The following ARHGAP32 variants were observed in gnomAD, a reference collection of about 807,000 sequenced individuals.
ARHGAP32 encodes rho GTPase-activating protein 32.
ARHGAP32 carries 51 observed loss-of-function variants against 186.5 expected under a neutral mutation model. The ratio of observed to expected loss-of-function variants is 0.27; its 90% confidence interval spans 0.22 to 0.35. The LOEUF (loss-of-function observed/expected upper bound fraction) is 0.35. ARHGAP32 is among the 10% of genes least tolerant of loss of function. The pLI, the probability that ARHGAP32 is intolerant of heterozygous loss-of-function variation, is 1.00. For missense variants in ARHGAP32, 2,186 were observed against 2,623.5 expected (o/e 0.83, Z 3.64); for synonymous variants, 950 against 964.3 (o/e 0.99, Z 0.27).
intron 6 of ARHGAP32, among the ~76,000 whole-genome samples, chr11:129,088,507 G>A (rs1261624703): frequency 2.0e-5 from 3 of 151,094 alleles, no homozygotes; most frequent in South Asian, 2.1e-4. Context: ...TTGAACCTGT[G>A]AGTTGGAGGT....
At chr11:129,056,886 C>T (rs542123107) in intron 10 of ARHGAP32, among the ~76,000 whole-genome samples, 1 of 152,324 alleles carries the variant, frequency 6.6e-6, no homozygotes, top group South Asian at 2.1e-4. Context: ...CCTTGCTCCT[C>T]TTCCCTTCTC....
chr11:129,261,047 C>G (rs1945314476), intron 1 of ARHGAP32, among the ~76,000 whole-genome samples: 1 of 151,908 alleles, frequency 6.6e-6, no homozygotes, highest in Non-Finnish European at 1.5e-5. Context: ...TGAGCCACCA[C>G]AGGGTGCTAA....
intron 11 of ARHGAP32, among the ~76,000 whole-genome samples, chr11:129,036,098 G>A (rs1013003646): frequency 6.6e-6 from 1 of 152,090 alleles, no homozygotes; most frequent in African/African-American, 2.4e-5. Flanking sequence ...ATGAGAATGG[G>A]CCAGGCACGG....
At chr11:129,038,486 T>C (rs988462881) in intron 11 of ARHGAP32, among the ~76,000 whole-genome samples, 2 of 151,996 alleles carry the variant, frequency 1.3e-5, no homozygotes, top group African/African-American at 4.8e-5. Context: ...TATGCATCAA[T>C]GGATACTACC....
chr11:129,244,512 A>AT (rs1383445063), intron 1 of ARHGAP32, among the ~76,000 whole-genome samples: 3 of 152,220 alleles, frequency 2.0e-5, no homozygotes, highest in African/African-American at 7.2e-5. Flanking sequence ...AAACCTAGGC[A>AT]TTACCATTCA....
In ARHGAP32 at chr11:129,066,797, A is replaced by T; in HGVS notation, c.603T>A (p.Ile201=). Reference sequence around the variant, plus strand: ...AGAGCTGGGAAAATCTTCGGTCATAAATACACAGATGAAGATGTTTATCAA... The same window carrying T: ...AGAGCTGGGAAAATCTTCGGTCATATATACACAGATGAAGATGTTTATCAA... ...RVLDKHLHLC[I]YDRRFSQLSE... Residue 201 remains isoleucine, a synonymous_variant, in exon 7 of 23, where the codon ATT becomes ATA. Coordinates refer to ENST00000682385, the MANE Select transcript of ARHGAP32 (RefSeq NM_001378024.1). The T allele has an allele frequency of 6.2e-7, 1 of 1,612,430 alleles. No homozygotes were observed. The highest frequency in any genetic ancestry group is 2.2e-5 in the East Asian group (1 of 44,840).
intron 11 of ARHGAP32, chr11:129,023,983 A>G: frequency 2.0e-6 from 2 of 985,434 alleles, no homozygotes; most frequent in Non-Finnish European, 2.4e-6. Context: ...AATAAATCAT[A>G]ATCCAACTGG....
In ARHGAP32 at chr11:128,967,372, G is replaced by A. The variant is rs772980861; in HGVS notation, c.*1535C>T. 6 of 152,164 alleles carry A rather than the reference G, an allele frequency of 3.9e-5. No homozygotes were observed. The highest frequency in any genetic ancestry group is 1.3e-4 in the Admixed American group (2 of 15,280). 9.4% of individuals were successfully genotyped at this position (152,164 alleles called of 1,614,324 possible). ...CAGTAATTGGAATGCAATTCTCCTA[G>A]TGTCTTCTACAGACCGAGCATTTAA... On this transcript the variant is annotated 3_prime_UTR_variant, in exon 23 of 23. Coordinates refer to ENST00000682385, the MANE Select transcript of ARHGAP32 (RefSeq NM_001378024.1).
chr11:129,178,089 C>T (rs1476933725), intron 1 of ARHGAP32, among the ~76,000 whole-genome samples: 1 of 150,300 alleles, frequency 6.7e-6, no homozygotes, highest in African/African-American at 2.4e-5. Flanking sequence ...GCAACTTCAG[C>T]AAAGTCTCAG....
chr11:129,228,378 G>C (rs1176893573), intron 1 of ARHGAP32, among the ~76,000 whole-genome samples: 2 of 152,036 alleles, frequency 1.3e-5, no homozygotes, highest in Admixed American at 1.3e-4. Flanking sequence ...GAAAGAAATG[G>C]AGAACAGAAA....
At chr11:129,275,491 T>C (rs1423124391) in intron 1 of ARHGAP32, among the ~76,000 whole-genome samples, 1 of 152,168 alleles carries the variant, frequency 6.6e-6, no homozygotes, top group Non-Finnish European at 1.5e-5. Flanking sequence ...AAAACAAAAA[T>C]TAGTACCTTT....
chr11:129,275,951 C>T (rs929766593), intron 1 of ARHGAP32, among the ~76,000 whole-genome samples: 76 of 152,308 alleles, frequency 5.0e-4, no homozygotes, highest in African/African-American at 1.8e-3. Context: ...TAACTTGTAA[C>T]CTCCTTTGGT....
chr11:129,273,681 T>A (rs1346144138), intron 1 of ARHGAP32, among the ~76,000 whole-genome samples: 1 of 152,204 alleles, frequency 6.6e-6, no homozygotes, highest in Non-Finnish European at 1.5e-5. Context: ...ACCACCTATA[T>A]TTCTCCAATG....
At chr11:129,252,736 C>T (rs186007513) in intron 1 of ARHGAP32, among the ~76,000 whole-genome samples, 30 of 152,144 alleles carry the variant, frequency 2.0e-4, no homozygotes, top group African/African-American at 6.0e-4. Context: ...GACTATTAAC[C>T]GTAAAAGAAC....
At position 129,124,778 on chromosome 11, in the gene ARHGAP32, GAATCCACTGTA is replaced by G; in HGVS notation, c.317+14_317+24del. ...ATTTCCATTCGTAGGAATTCATTTA[GAATCCACTGTA>G]AAGTTATACTCACTTTTTCACATGC... On this transcript the variant is annotated intron_variant, in intron 3 of 22. Coordinates refer to ENST00000682385, the MANE Select transcript of ARHGAP32 (RefSeq NM_001378024.1). The G allele has an allele frequency of 6.6e-7, 1 of 1,507,396 alleles. No homozygotes were observed. The highest frequency in any genetic ancestry group is 9.0e-7 in the Non-Finnish European group (1 of 1,106,286). 93.4% of individuals were successfully genotyped at this position (1,507,396 alleles called of 1,614,324 possible).
At chr11:129,158,083 T>C (rs1591658401) in intron 2 of ARHGAP32, among the ~76,000 whole-genome samples, 2 of 151,872 alleles carry the variant, frequency 1.3e-5, no homozygotes, top group Admixed American at 1.3e-4. Context: ...AAGCACTACA[T>C]ATGGAAAGGA....
Position 129,143,363 on chromosome 11 carries a change from C to T in ARHGAP32, c.226-18469G>A, listed in dbSNP as rs77743156. On this transcript the variant is annotated intron_variant, in intron 2 of 22. Transcript: ENST00000682385. ...CATGGTCAACCTCGGTCAAAAAATA[C>T]TAAATGGAAAATTCCTGAAAAAAAC... 6.1e-3 allele frequency among the ~76,000 whole-genome samples: 921 copies of T among 152,148 alleles called. 6 individuals carry two copies. Among genetic ancestry groups the T allele is most frequent in the South Asian group, 0.022 (105 of 4,816 alleles).
chr11:129,062,168 G>C, intron 10 of ARHGAP32, 112 bp downstream of exon 10: 1 of 828,744 alleles, frequency 1.2e-6, no homozygotes, highest in Non-Finnish European at 2.0e-6. Flanking sequence ...TATCGTTGCA[G>C]ACAAAATTTC....
Position 129,209,919 on chromosome 11 carries a change from T to C in ARHGAP32, c.-4-45492A>G, listed in dbSNP as rs192410264. 1.5e-3 allele frequency among the ~76,000 whole-genome samples: 236 copies of C among 152,306 alleles called. 2 individuals are homozygous for C. Among genetic ancestry groups the C allele is most frequent in the East Asian group, 9.7e-4 (5 of 5,180 alleles). ...AAATCATAACCAGAATGTCGGGGGA[T>C]ATCAGTAAGGGTACCAATATGCTTC... On this transcript the variant is annotated intron_variant, in intron 1 of 6. Coordinates refer to the ARHGAP32 transcript ENST00000525234.
Sources: allele counts gnomAD v4.1 joint callset (sites outside exome capture counted in the v4.1 genomes callset), GRCh38; gene constraint gnomAD v4.1.1; transcripts MANE v1.5; gene names NCBI Gene and HGNC (gene_info 2026-07-23, HGNC 2026-07-21).